VPS13B: variants seen among roughly 807,000 people sequenced by gnomAD.
VPS13B encodes the protein intermembrane lipid transfer protein VPS13B.
In VPS13B, 285 loss-of-function variants were observed where a neutral mutation model predicts 426.4. The observed-to-expected ratio is 0.67, with a 90% confidence interval of 0.61 to 0.74. The LOEUF (loss-of-function observed/expected upper bound fraction) is 0.74. Among genes scored for constraint, VPS13B ranks in the 30% least tolerant of loss-of-function variants. The probability of loss-of-function intolerance (pLI) is 0.00; values close to 1 mark genes in which losing one functional copy is unlikely to be tolerated. For synonymous variants in VPS13B, 1,676 were observed against 1,676.4 expected (o/e 1.00, Z 0.01); for missense variants, 4,537 against 4,782.6 (o/e 0.95, Z 1.51).
At chr8:99,234,324 G>A in intron 17 of VPS13B, 1 of 754,476 alleles carries the variant, frequency 1.3e-6, no homozygotes, top group Admixed American at 1.7e-5. Flanking sequence ...ACTATCCCGT[G>A]TTGAGCCAAA....
intron 39 of VPS13B, among the ~76,000 whole-genome samples, chr8:99,749,148 A>G (rs1261815512): frequency 2.0e-5 from 3 of 152,054 alleles, no homozygotes; most frequent in African/African-American, 7.2e-5. Context: ...TAAATGAGAT[A>G]TTTTGATACA....
intron 2 of VPS13B, among the ~76,000 whole-genome samples, chr8:99,036,955 G>A (rs991363829): frequency 6.6e-5 from 10 of 152,066 alleles, no homozygotes; most frequent in Non-Finnish European, 1.3e-4. Context: ...TAGATGACTC[G>A]TTTTGGGAAG....
chr8:99,044,080 C>CTTTTTTTTTTTTTT (rs1334044601), intron 3 of VPS13B, among the ~76,000 whole-genome samples: 1 of 85,428 alleles, frequency 1.2e-5, no homozygotes, highest in Non-Finnish European at 2.5e-5. Flanking sequence ...TTTTTTCTTT[C>CTTTTTTTTTTTTTT]TTTCTTTTTT....
intron 17 of VPS13B, among the ~76,000 whole-genome samples, chr8:99,226,223 T>C (rs1816009627): frequency 6.6e-6 from 1 of 152,200 alleles, no homozygotes; most frequent in Non-Finnish European, 1.5e-5. Flanking sequence ...TCCTTGCTGT[T>C]GCACATGCTA....
chr8:99,259,982 G>T (rs1817959383), intron 17 of VPS13B, among the ~76,000 whole-genome samples: 1 of 152,024 alleles, frequency 6.6e-6, no homozygotes, highest in South Asian at 2.1e-4. Flanking sequence ...AATAATTGAA[G>T]AAGTAAAAGA....
chr8:99,096,515 G>T (rs564757590), intron 4 of VPS13B, 83 bp downstream of exon 4: 4 of 1,580,816 alleles, frequency 2.5e-6, no homozygotes, highest in East Asian at 2.3e-5. Context: ...CAGTGCTTTG[G>T]GGGGCTGAGG....
At chr8:99,455,357 G>A (rs925898747) in intron 23 of VPS13B, among the ~76,000 whole-genome samples, 18 of 152,096 alleles carry the variant, frequency 1.2e-4, no homozygotes, top group South Asian at 2.1e-4. Context: ...TACAGGAAGC[G>A]TGGTGGCATC....
At chr8:99,626,806 C>T (rs77911605) in intron 33 of VPS13B, among the ~76,000 whole-genome samples, 6,760 of 152,110 alleles carry the variant, frequency 0.044, 160 homozygotes, top group East Asian at 0.06. Flanking sequence ...AATCAATATG[C>T]CAAAGAAATA....
At chr8:99,821,162 A>G (rs1814342985) in intron 49 of VPS13B, 132 bp from the exon 50 acceptor site, 1 of 590,304 alleles carries the variant, frequency 1.7e-6, no homozygotes, top group South Asian at 1.8e-5. Context: ...ACACACACAC[A>G]CACACCATGG....
chr8:99,289,380 G>C (rs1369926649), intron 19 of VPS13B, among the ~76,000 whole-genome samples: 2 of 152,080 alleles, frequency 1.3e-5, no homozygotes, highest in African/African-American at 4.8e-5. Flanking sequence ...ATTAGAGTTT[G>C]ATGATATTGC....
chr8:99,545,260 G>A (rs1481474489), intron 30 of VPS13B, among the ~76,000 whole-genome samples: 1 of 152,034 alleles, frequency 6.6e-6, no homozygotes, highest in African/African-American at 2.4e-5. Context: ...TGTATCACTT[G>A]TAGTGTTAAA....
intron 17 of VPS13B, among the ~76,000 whole-genome samples, chr8:99,256,172 G>T (rs1443014809): frequency 6.6e-6 from 1 of 152,044 alleles, no homozygotes; most frequent in African/African-American, 2.4e-5. Flanking sequence ...TGGCTTCTAG[G>T]ATATATGAGC....
Position 99,573,875 on chromosome 8 carries a change from A to G in VPS13B, c.4950-1783A>G, listed in dbSNP as rs918362257. On this transcript the variant is annotated intron_variant, in intron 31 of 61. Transcript: ENST00000357162. ...GCTTGATGGGGATGGCATTGAATCTATAAATTACCTTGGGCAGTATGGCCA... is the reference window on the plus strand; with the variant it reads ...GCTTGATGGGGATGGCATTGAATCTGTAAATTACCTTGGGCAGTATGGCCA... Among the ~76,000 whole-genome samples, 122 of 152,260 alleles carry G rather than the reference A, an allele frequency of 8.0e-4. 1 individual carries two copies. Among genetic ancestry groups the G allele is most frequent in the Middle Eastern group, 3.4e-3 (1 of 294 alleles).
At chr8:99,428,777 T>C (rs574093226) in intron 21 of VPS13B, among the ~76,000 whole-genome samples, 19 of 152,314 alleles carry the variant, frequency 1.2e-4, no homozygotes, top group Non-Finnish European at 2.2e-4. Flanking sequence ...CATCCATTAC[T>C]TGGTATATGC....
chr8:99,348,207 C>A (rs1190040997), intron 19 of VPS13B: 1 of 152,218 alleles, frequency 6.6e-6, no homozygotes, highest in Non-Finnish European at 1.5e-5. Context: ...CCAGTTAGCT[C>A]ATGGTCACCT....
chr8:99,715,020 G>T (rs1447101517), intron 36 of VPS13B, among the ~76,000 whole-genome samples: 1 of 152,020 alleles, frequency 6.6e-6, no homozygotes, highest in Non-Finnish European at 1.5e-5. Flanking sequence ...CTAGGTGAAG[G>T]GTGTACAGGA....
intron 25 of VPS13B, among the ~76,000 whole-genome samples, chr8:99,492,760 A>G (rs1820682671): frequency 6.6e-6 from 1 of 152,236 alleles, no homozygotes; most frequent in African/African-American, 2.4e-5. Flanking sequence ...CCGTTCCTCC[A>G]GGTACAGTCT....
At position 99,844,955 on chromosome 8, in the gene VPS13B, A is replaced by G. The variant is rs142130066; in HGVS notation, c.9943-3821A>G. On this transcript the variant is annotated intron_variant, in intron 54 of 61. Coordinates refer to ENST00000357162, the MANE Select transcript of VPS13B (RefSeq NM_152564.5). ...AGGCAACAGCAGCCAACATAACACC[A>G]CTGATGCTTGGTTTTCAGACCTCAT... 1.5e-3 allele frequency among the ~76,000 whole-genome samples: 231 copies of G among 152,192 alleles called. 1 individual carries two copies. Among genetic ancestry groups the G allele is most frequent in the African/African-American group, 5.2e-3 (215 of 41,522 alleles).
At chr8:99,252,996 C>G (rs1285478676) in intron 17 of VPS13B, among the ~76,000 whole-genome samples, 1 of 152,058 alleles carries the variant, frequency 6.6e-6, no homozygotes, top group Admixed American at 6.5e-5. Flanking sequence ...TTCCCCATTC[C>G]TATTTCCCCA....
Sources: allele counts gnomAD v4.1 joint callset (sites outside exome capture counted in the v4.1 genomes callset), GRCh38; gene constraint gnomAD v4.1.1; transcripts MANE v1.5; gene names NCBI Gene and HGNC (gene_info 2026-07-23, HGNC 2026-07-21).